Variants in GPC6 observed in about 807,000 individuals in gnomAD.
The protein encoded by GPC6 is glypican-6.
Under a neutral mutation model 55.2 loss-of-function variants are expected in GPC6, and 14 were observed. That is an observed-to-expected ratio of 0.25 (90% CI 0.17 to 0.40). GPC6 has a LOEUF of 0.40. Among genes scored for constraint, GPC6 ranks in the 10% least tolerant of loss-of-function variants. GPC6 has a pLI of 1.00. For synonymous variants in GPC6, 278 were observed against 259.6 expected, an observed-to-expected ratio of 1.07 and a Z score of -0.68; for missense variants, 641 against 708.5, an observed-to-expected ratio of 0.90 and a Z score of 1.08.
chr13:93,539,365 C>G (rs544141121), intron 1 of GPC6, among the ~76,000 whole-genome samples: 88 of 152,166 alleles, frequency 5.8e-4, no homozygotes, highest in Admixed American at 3.7e-3. Context: ...GAAAGATGAT[C>G]GGGAATACCC....
At chr13:93,537,581 TTATAA>T (rs1261956156) in intron 1 of GPC6, among the ~76,000 whole-genome samples, 12 of 152,142 alleles carry the variant, frequency 7.9e-5, no homozygotes, top group Admixed American at 7.9e-4. Context: ...GTATTAGAAA[TTATAA>T]TAGTAAAGAA....
chr13:93,687,531 G>T (rs1483941903), intron 2 of GPC6, among the ~76,000 whole-genome samples: 1 of 152,070 alleles, frequency 6.6e-6, no homozygotes, highest in African/African-American at 2.4e-5. Flanking sequence ...AGTCTCTGCA[G>T]CAGGAATGCT....
chr13:94,027,352 AG>A (rs1174352704), intron 3 of GPC6, among the ~76,000 whole-genome samples: 1 of 152,190 alleles, frequency 6.6e-6, no homozygotes, highest in Non-Finnish European at 1.5e-5. Context: ...CTTTAGAAAC[AG>A]GGTCAAATAA....
At chr13:93,606,035 T>C (rs1878225528) in intron 2 of GPC6, among the ~76,000 whole-genome samples, 1 of 152,132 alleles carries the variant, frequency 6.6e-6, no homozygotes, top group African/African-American at 2.4e-5. Context: ...TATAACTTAA[T>C]ACAGAGCCCA....
intron 1 of GPC6, among the ~76,000 whole-genome samples, chr13:93,324,798 G>A (rs962148102): frequency 1.3e-5 from 2 of 151,872 alleles, no homozygotes; most frequent in Non-Finnish European, 2.9e-5. Flanking sequence ...TCTGGAAAAG[G>A]CATTGAAATG....
chr13:93,911,059 G>T (rs928572280), intron 3 of GPC6, among the ~76,000 whole-genome samples: 6 of 152,162 alleles, frequency 3.9e-5, no homozygotes, highest in African/African-American at 1.4e-4. Context: ...GTGTGAAGAT[G>T]CTCTATTTCA....
intron 1 of GPC6, among the ~76,000 whole-genome samples, chr13:93,437,962 A>G (rs1339325247): frequency 1.3e-5 from 2 of 152,146 alleles, no homozygotes; most frequent in Admixed American, 6.5e-5. Context: ...GAGGCCAGTG[A>G]TCATTTACCA....
intron 1 of GPC6, among the ~76,000 whole-genome samples, chr13:93,351,374 T>C (rs1880624730): frequency 6.6e-6 from 1 of 152,040 alleles, no homozygotes; most frequent in Non-Finnish European, 1.5e-5. Context: ...AAGTGGATGA[T>C]AACAATTATA....
chr13:93,650,719 C>T (rs1201289003), intron 2 of GPC6, among the ~76,000 whole-genome samples: 2 of 152,144 alleles, frequency 1.3e-5, no homozygotes, highest in African/African-American at 4.8e-5. Context: ...TTTTAACATT[C>T]CTAGTCAATT....
At chr13:93,753,199 T>G (rs1358226267) in intron 2 of GPC6, among the ~76,000 whole-genome samples, 1 of 152,176 alleles carries the variant, frequency 6.6e-6, no homozygotes, top group African/African-American at 2.4e-5. Flanking sequence ...GTCTCGTTAC[T>G]TAGTGTTGGC....
At chr13:93,886,940 T>A (rs927763212) in intron 3 of GPC6, among the ~76,000 whole-genome samples, 1 of 152,026 alleles carries the variant, frequency 6.6e-6, no homozygotes, top group Admixed American at 6.6e-5. Flanking sequence ...TGCGTCTAAC[T>A]GGACCTACTA....
At chr13:94,389,787 A>G (rs1880566115) in intron 7 of GPC6, among the ~76,000 whole-genome samples, 1 of 151,664 alleles carries the variant, frequency 6.6e-6, no homozygotes, top group South Asian at 2.1e-4. Flanking sequence ...TCATTTCCAG[A>G]CTCCTCCCTC....
intron 4 of GPC6, among the ~76,000 whole-genome samples, chr13:94,044,102 T>C (rs1883637837): frequency 6.6e-6 from 1 of 151,818 alleles, no homozygotes; most frequent in Admixed American, 6.6e-5. Context: ...CCCACCTTTA[T>C]CCATACTAAC....
In GPC6 at chr13:94,405,403, G is replaced by T. The variant is rs1024059243; in HGVS notation, c.*2186G>T. ...CATTCTGTGTTCAGAAGTCAGTATT[G>T]TCTTTCTCCAATAATTAAGGTGCAA... On this transcript the variant is annotated 3_prime_UTR_variant, in exon 9 of 9. Coordinates refer to ENST00000377047, the MANE Select transcript of GPC6 (RefSeq NM_005708.5). 1 of 152,230 alleles carries T rather than the reference G, an allele frequency of 6.6e-6. No individual in the cohort carries two copies. Among genetic ancestry groups the T allele is most frequent in the Admixed American group, 6.5e-5 (1 of 15,292 alleles). 9.4% of individuals were successfully genotyped at this position (152,230 alleles called of 1,614,324 possible). A position where few individuals can be genotyped will look rare whatever the true frequency, so the allele number is the denominator to read the frequency against.
At chr13:93,262,090 C>T (rs1219108468) in intron 1 of GPC6, among the ~76,000 whole-genome samples, 2 of 152,096 alleles carry the variant, frequency 1.3e-5, no homozygotes, top group African/African-American at 4.8e-5. Flanking sequence ...GAAATAGCCC[C>T]TCAACCCTTA....
chr13:94,030,925 T>C (rs1435915783), intron 4 of GPC6, among the ~76,000 whole-genome samples: 1 of 152,186 alleles, frequency 6.6e-6, no homozygotes, highest in Admixed American at 6.5e-5. Flanking sequence ...GTCTGGATCA[T>C]GTCAAAAGAA....
intron 1 of GPC6, among the ~76,000 whole-genome samples, chr13:93,406,900 G>A (rs1324886113): frequency 1.3e-5 from 2 of 152,004 alleles, no homozygotes; most frequent in Admixed American, 1.3e-4. Context: ...CAAAAGTGAA[G>A]GACTGTTCTA....
chr13:94,207,914 C>T (rs1483280895), intron 4 of GPC6, among the ~76,000 whole-genome samples: 3 of 152,134 alleles, frequency 2.0e-5, no homozygotes, highest in Non-Finnish European at 4.4e-5. Flanking sequence ...TATTTTTGCA[C>T]CAACTTCACA....
intron 1 of GPC6, among the ~76,000 whole-genome samples, chr13:93,437,962 A>T (rs1339325247): frequency 1.3e-5 from 2 of 152,146 alleles, no homozygotes; most frequent in East Asian, 3.9e-4. Flanking sequence ...GAGGCCAGTG[A>T]TCATTTACCA....
Sources: gnomAD v4.1 joint callset for allele counts (sites outside exome capture counted in the v4.1 genomes callset) on GRCh38, gnomAD v4.1.1 for gene constraint, MANE v1.5 for transcripts, NCBI Gene and HGNC (gene_info 2026-07-23, HGNC 2026-07-21) for gene names.